TIMP3: variants seen among roughly 807,000 people sequenced by gnomAD.
TIMP3 encodes metalloproteinase inhibitor 3.
In TIMP3, 11 loss-of-function variants were observed where a neutral mutation model predicts 30.0. That is an observed-to-expected ratio of 0.37 (90% CI 0.23 to 0.61). The LOEUF is 0.61. Among genes scored for constraint, TIMP3 ranks in the 20% least tolerant of loss-of-function variants. The pLI is 0.70. For synonymous variants in TIMP3, 112 were observed against 111.3 expected, an observed-to-expected ratio of 1.01 and a Z score of -0.04; for missense variants, 181 against 276.8, an observed-to-expected ratio of 0.65 and a Z score of 2.45.
At chr22:32,815,296 T>TG (rs1261998564) in intron 1 of TIMP3, among the ~76,000 whole-genome samples, 2 of 152,214 alleles carry the variant, frequency 1.3e-5, no homozygotes, top group African/African-American at 4.8e-5. Flanking sequence ...AGGGAACCCA[T>TG]GTGCGGTGAC....
At chr22:32,813,320 G>C (rs755367380) in intron 1 of TIMP3, among the ~76,000 whole-genome samples, 4 of 152,182 alleles carry the variant, frequency 2.6e-5, no homozygotes, top group Non-Finnish European at 4.4e-5. Flanking sequence ...GGAGACAATA[G>C]AGAGTGGCAG....
chr22:32,810,416 C>T (rs1237112699), intron 1 of TIMP3, among the ~76,000 whole-genome samples: 1 of 151,926 alleles, frequency 6.6e-6, no homozygotes, highest in Non-Finnish European at 1.5e-5. Context: ...CCTGCAGCCA[C>T]CTGGCTTTTT....
rs914248493 is a variant in TIMP3 at position 32,862,281 on chromosome 22, T to A, written c.*2904T>A. On this transcript the variant is annotated 3_prime_UTR_variant, in exon 5 of 5. Coordinates refer to ENST00000266085, the MANE Select transcript of TIMP3 (RefSeq NM_000362.5). ...TCCTCCTTTGGGCATCTCTTCTGCCTCCCAATCAAGGAAGCTCCATGCTCA... is the reference window on the plus strand; with the variant it reads ...TCCTCCTTTGGGCATCTCTTCTGCCACCCAATCAAGGAAGCTCCATGCTCA... The A allele has an allele frequency of 2.6e-5, 4 of 152,206 alleles. No homozygotes were observed. Among genetic ancestry groups the A allele is most frequent in the African/African-American group, 4.8e-5 (2 of 41,430 alleles). 9.4% of individuals were successfully genotyped at this position (152,206 alleles called of 1,614,324 possible). A position where few individuals can be genotyped will look rare whatever the true frequency, so the allele number is the denominator to read the frequency against.
At chr22:32,802,524 A>AG (rs2046617504) in intron 1 of TIMP3, among the ~76,000 whole-genome samples, 1 of 152,114 alleles carries the variant, frequency 6.6e-6, no homozygotes, top group Non-Finnish European at 1.5e-5. Context: ...AAAAAAAAAA[A>AG]AAAGTTGCCC....
rs187146334 is a variant in TIMP3 at position 32,855,730 on chromosome 22, C to T, written c.205-1519C>T. Among the ~76,000 whole-genome samples the T allele has an allele frequency of 2.0e-5, 3 of 152,274 alleles. No homozygotes were observed. The East Asian group carries it at 5.8e-4, about 29-fold the overall frequency. Reference sequence around the variant, plus strand: ...TATGGGATGTTTAGCAACCTCCCTACCCTCTACGAACTGTTGTGACAACCA... The same window carrying T: ...TATGGGATGTTTAGCAACCTCCCTATCCTCTACGAACTGTTGTGACAACCA... On this transcript the variant is annotated intron_variant, in intron 2 of 4. Coordinates refer to ENST00000266085, the MANE Select transcript of TIMP3 (RefSeq NM_000362.5).
At chr22:32,843,921 T>TG (rs1461296167) in intron 1 of TIMP3, among the ~76,000 whole-genome samples, 1 of 151,944 alleles carries the variant, frequency 6.6e-6, no homozygotes, top group Non-Finnish European at 1.5e-5. Context: ...GAGACAGGAA[T>TG]GGGGGTGTTG....
chr22:32,830,969 C>T (rs965457414), intron 1 of TIMP3, among the ~76,000 whole-genome samples: 1 of 152,182 alleles, frequency 6.6e-6, no homozygotes. Context: ...TTTTCCCCAA[C>T]CAGGGGCACA....
At chr22:32,824,724 A>G (rs1157538025) in intron 1 of TIMP3, among the ~76,000 whole-genome samples, 1 of 152,118 alleles carries the variant, frequency 6.6e-6, no homozygotes, top group Non-Finnish European at 1.5e-5. Context: ...ATTTGGATCC[A>G]TTTCCTCTGC....
intron 2 of TIMP3, among the ~76,000 whole-genome samples, chr22:32,856,937 C>T (rs187541840): frequency 5.9e-5 from 9 of 152,254 alleles, no homozygotes; most frequent in East Asian, 1.9e-4. Context: ...TGGCTTATTC[C>T]GCTTAGCAAA....
At chr22:32,828,156 C>A (rs551943925) in intron 1 of TIMP3, among the ~76,000 whole-genome samples, 4 of 152,302 alleles carry the variant, frequency 2.6e-5, no homozygotes, top group Admixed American at 2.6e-4. Context: ...AAAGAATGCC[C>A]TTTTGACAGC....
intron 1 of TIMP3, among the ~76,000 whole-genome samples, chr22:32,819,725 G>A (rs1325771770): frequency 6.6e-6 from 1 of 152,128 alleles, no homozygotes; most frequent in East Asian, 1.9e-4. Context: ...CATATCTTTT[G>A]TTTTCGAAAG....
At chr22:32,826,036 T>A (rs2047401478) in intron 1 of TIMP3, among the ~76,000 whole-genome samples, 1 of 152,072 alleles carries the variant, frequency 6.6e-6, no homozygotes, top group Admixed American at 6.6e-5. Flanking sequence ...ACAGTGGGAG[T>A]TTAGGTCATT....
chr22:32,855,712 T>G (rs988200343), intron 2 of TIMP3, among the ~76,000 whole-genome samples: 5 of 152,180 alleles, frequency 3.3e-5, no homozygotes, highest in African/African-American at 1.2e-4. Flanking sequence ...TATTATGGGA[T>G]GTTTAGCAAC....
At chr22:32,817,223 A>G (rs1601434842) in intron 1 of TIMP3, among the ~76,000 whole-genome samples, 1 of 152,106 alleles carries the variant, frequency 6.6e-6, no homozygotes, top group Non-Finnish European at 1.5e-5. Context: ...ATCTCAAAAA[A>G]AAAAAAATGT....
In TIMP3 at chr22:32,862,545, G is replaced by A. The variant is rs1381348677; in HGVS notation, c.*3168G>A. The A allele has an allele frequency of 6.6e-6, 1 of 152,146 alleles. No individual in the cohort carries two copies. The highest frequency in any genetic ancestry group is 2.4e-5 in the African/African-American group (1 of 41,410). The allele number at this position is 152,146 out of a possible 1,614,324, so 9.4% of individuals were successfully genotyped here. A position where few individuals can be genotyped will look rare whatever the true frequency, so the allele number is the denominator to read the frequency against. Reference sequence around the variant, plus strand: ...CTTGCATGTGACAATTGACAATCTGGACTACCCCAAGATGGCACCCAAGTG... The same window carrying A: ...CTTGCATGTGACAATTGACAATCTGAACTACCCCAAGATGGCACCCAAGTG... On this transcript the variant is annotated 3_prime_UTR_variant, in exon 5 of 5. Coordinates refer to ENST00000266085, the MANE Select transcript of TIMP3 (RefSeq NM_000362.5).
At chr22:32,834,332 T>TC (rs2146149498) in intron 1 of TIMP3, among the ~76,000 whole-genome samples, 1 of 151,732 alleles carries the variant, frequency 6.6e-6, no homozygotes, top group Non-Finnish European at 1.5e-5. Flanking sequence ...TATTTTTTTT[T>TC]TTGTATTTTT....
intron 1 of TIMP3, among the ~76,000 whole-genome samples, chr22:32,818,785 G>A (rs1056798170): frequency 3.3e-5 from 5 of 152,196 alleles, no homozygotes; most frequent in African/African-American, 1.2e-4. Flanking sequence ...ATCTGGAGAA[G>A]GGGAAGTGAC....
chr22:32,826,429 A>AAAAT lies in TIMP3; in HGVS notation c.122-23003_122-23000dup, dbSNP rs566442496. Among the ~76,000 whole-genome samples the AAAAT allele has an allele frequency of 4.7e-4, 72 of 152,204 alleles. 1 individual carries two copies. In the East Asian group the frequency reaches 9.1e-3, roughly 19 times the overall value. On this transcript the variant is annotated intron_variant, in intron 1 of 4. Transcript: ENST00000266085. ...GGGAGACAGAGCAAACTCCGTCTCA[A>AAAAT]AAATAAATAAATAAATAAATAAACA...
intron 1 of TIMP3, among the ~76,000 whole-genome samples, chr22:32,826,950 C>A (rs1292761029): frequency 6.6e-6 from 1 of 152,182 alleles, no homozygotes; most frequent in Non-Finnish European, 1.5e-5. Context: ...TGAATCCAAG[C>A]CTCCAGCTCC....
Sources: gnomAD v4.1 joint callset for allele counts (sites outside exome capture counted in the v4.1 genomes callset) on GRCh38, gnomAD v4.1.1 for gene constraint, MANE v1.5 for transcripts, NCBI Gene and HGNC (gene_info 2026-07-23, HGNC 2026-07-21) for gene names.